The following GPR158 variants were observed in gnomAD, a reference collection of about 807,000 sequenced individuals.
The protein encoded by GPR158 is G protein-coupled receptor 158, also known as metabotropic glycine receptor.
A neutral mutation model predicts 78.2 loss-of-function variants in GPR158; 30 were observed. That is an observed-to-expected ratio of 0.38 (90% CI 0.29 to 0.52). GPR158 has a LOEUF of 0.52. Among genes scored for constraint, GPR158 ranks in the 20% least tolerant of loss-of-function variants. The probability of loss-of-function intolerance (pLI) is 0.83; values close to 1 mark genes in which losing one functional copy is unlikely to be tolerated. For missense variants in GPR158, 1,463 were observed against 1,523.5 expected (o/e 0.96, Z 0.66); for synonymous variants, 581 against 591.1 (o/e 0.98, Z 0.25).
At chr10:25,263,101 T>C (rs951470747) in intron 2 of GPR158, among the ~76,000 whole-genome samples, 16 of 152,210 alleles carry the variant, frequency 1.1e-4, no homozygotes, top group African/African-American at 3.1e-4. Context: ...GTCTTTGATA[T>C]TGTATCTAAA....
At chr10:25,547,132 T>G (rs1005376657) in intron 5 of GPR158, among the ~76,000 whole-genome samples, 1 of 152,100 alleles carries the variant, frequency 6.6e-6, no homozygotes, top group Non-Finnish European at 1.5e-5. Context: ...AGGAAAATGT[T>G]TGGTGGGGAA....
chr10:25,443,929 A>G (rs1281921014), intron 4 of GPR158, among the ~76,000 whole-genome samples: 2 of 151,862 alleles, frequency 1.3e-5, no homozygotes, highest in African/African-American at 4.8e-5. Flanking sequence ...TCTATGTCCT[A>G]TTGCAGTTTT....
At chr10:25,252,706 G>A (rs1221234374) in intron 2 of GPR158, among the ~76,000 whole-genome samples, 4 of 152,266 alleles carry the variant, frequency 2.6e-5, no homozygotes, top group Non-Finnish European at 4.4e-5. Context: ...GAGAACCACT[G>A]CTCCCTTCAA....
Position 25,291,128 on chromosome 10 carries a change from T to G in GPR158, c.1008+69971T>G, listed in dbSNP as rs1400160224. 3.9e-5 allele frequency among the ~76,000 whole-genome samples: 6 copies of G among 151,972 alleles called. No individual in the cohort carries two copies. In the East Asian group the frequency reaches 1.2e-3, roughly 29 times the overall value. On this transcript the variant is annotated intron_variant, in intron 2 of 10. Transcript: ENST00000376351. Reference sequence around the variant, plus strand: ...TGTGAATTGCCATCTTTCCCCATCTTGTTGAAAAAAAGATTTAAATAGCTT... The same window carrying G: ...TGTGAATTGCCATCTTTCCCCATCTGGTTGAAAAAAAGATTTAAATAGCTT...
In GPR158 at chr10:25,232,714, G is replaced by T. The variant is rs117213802; in HGVS notation, c.1008+11557G>T. Among the ~76,000 whole-genome samples the T allele has an allele frequency of 4.8e-3, 729 of 152,226 alleles. 2 individuals carry two copies. The highest frequency in any genetic ancestry group is 0.02 in the Middle Eastern group (6 of 294). On this transcript the variant is annotated intron_variant, in intron 2 of 10. Transcript: ENST00000376351. ...TGATACAAGCAGAACATGAAGTATTGAGATCACTTGAAAACGCTTTTGTCC... is the reference window on the plus strand; with the variant it reads ...TGATACAAGCAGAACATGAAGTATTTAGATCACTTGAAAACGCTTTTGTCC...
At chr10:25,415,534 C>G (rs1035306702) in intron 4 of GPR158, among the ~76,000 whole-genome samples, 7 of 152,066 alleles carry the variant, frequency 4.6e-5, no homozygotes, top group African/African-American at 1.7e-4. Context: ...TGGACACTCT[C>G]ATTCATTCCT....
At chr10:25,407,598 T>C (rs1834531615) in intron 3 of GPR158, among the ~76,000 whole-genome samples, 1 of 152,188 alleles carries the variant, frequency 6.6e-6, no homozygotes, top group South Asian at 2.1e-4. Flanking sequence ...ACATATGTTC[T>C]TTCCCTTCTT....
chr10:25,574,799 C>T (rs541994526), intron 7 of GPR158, among the ~76,000 whole-genome samples: 23 of 152,208 alleles, frequency 1.5e-4, no homozygotes, highest in African/African-American at 4.8e-4. Flanking sequence ...GCAGAAGAAT[C>T]GCTTGAACCC....
chr10:25,279,700 G>A (rs1854240248), intron 2 of GPR158, among the ~76,000 whole-genome samples: 1 of 152,192 alleles, frequency 6.6e-6, no homozygotes, highest in African/African-American at 2.4e-5. Context: ...GGGGAAAGGA[G>A]AGATAAGGCT....
rs1833958872 is a variant in GPR158, at chr10:25,369,733, A to C, written c.1009-26178A>C. ...TTTTTCTGTTGATTGGAATAGTTTC[A>C]GAAGGAATGGTACCAGTTCCTCCTT... On this transcript the variant is annotated intron_variant, in intron 2 of 10. Coordinates refer to ENST00000376351, the MANE Select transcript of GPR158 (RefSeq NM_020752.3). 2.0e-5 allele frequency among the ~76,000 whole-genome samples: 3 copies of C among 151,606 alleles called. No individual in the cohort carries two copies. The South Asian group carries it at 6.2e-4, about 31-fold the overall frequency.
chr10:25,551,801 A>G (rs897350280), intron 6 of GPR158, among the ~76,000 whole-genome samples: 1 of 152,204 alleles, frequency 6.6e-6, no homozygotes, highest in Admixed American at 6.5e-5. Flanking sequence ...CAAAGAGCAT[A>G]GGAGATAAAC....
intron 5 of GPR158, among the ~76,000 whole-genome samples, chr10:25,486,969 C>A (rs1835743964): frequency 1.3e-5 from 2 of 152,060 alleles, no homozygotes; most frequent in South Asian, 2.1e-4. Context: ...GGGGAGAATT[C>A]ATATAGCAAA....
chr10:25,317,810 T>G (rs1854881185), intron 2 of GPR158, among the ~76,000 whole-genome samples: 2 of 150,892 alleles, frequency 1.3e-5, no homozygotes. Context: ...CTCACTGCAG[T>G]GTCCGCCTCC....
intron 1 of GPR158, among the ~76,000 whole-genome samples, chr10:25,206,160 T>C (rs1853027193): frequency 1.3e-5 from 2 of 152,052 alleles, no homozygotes; most frequent in South Asian, 4.1e-4. Flanking sequence ...TAATTTTTTG[T>C]ATTTTTTTAG....
intron 6 of GPR158, among the ~76,000 whole-genome samples, chr10:25,560,335 G>A (rs575834521): frequency 4.1e-4 from 62 of 152,148 alleles, no homozygotes; most frequent in Non-Finnish European, 7.8e-4. Flanking sequence ...GCGTGATCTC[G>A]GCTCACTGCA....
At chr10:25,595,815 G>C (rs1837397265) in intron 9 of GPR158, among the ~76,000 whole-genome samples, 1 of 152,194 alleles carries the variant, frequency 6.6e-6, no homozygotes, top group South Asian at 2.1e-4. Context: ...AAATAGTGAT[G>C]ATGGTTGCAC....
At chr10:25,365,963 A>C in intron 2 of GPR158, among the ~76,000 whole-genome samples, 1 of 151,810 alleles carries the variant, frequency 6.6e-6, no homozygotes, top group Admixed American at 6.6e-5. Flanking sequence ...AAAACCTTAC[A>C]TAAATAGTAT....
At chr10:25,251,696 T>C (rs1853802641) in intron 2 of GPR158, among the ~76,000 whole-genome samples, 1 of 151,808 alleles carries the variant, frequency 6.6e-6, no homozygotes, top group African/African-American at 2.4e-5. Context: ...GTTAGTCTGA[T>C]GGGCTTCCCT....
chr10:25,565,815 A>T (rs931781730), intron 6 of GPR158, among the ~76,000 whole-genome samples: 1 of 152,140 alleles, frequency 6.6e-6, no homozygotes, highest in African/African-American at 2.4e-5. Flanking sequence ...GTGGTGAGTG[A>T]TAGAGACAGG....
Sources: gnomAD v4.1 joint callset for allele counts (sites outside exome capture counted in the v4.1 genomes callset) on GRCh38, gnomAD v4.1.1 for gene constraint, MANE v1.5 for transcripts, NCBI Gene and HGNC (gene_info 2026-07-23, HGNC 2026-07-21) for gene names.